The following ANGPT2 variants were observed in gnomAD, a reference collection of about 807,000 sequenced individuals.
ANGPT2 encodes the protein angiopoietin-2.
ANGPT2 carries 28 observed loss-of-function variants against 62.9 expected under a neutral mutation model. The observed-to-expected ratio is 0.44, with a 90% CI of 0.33 to 0.61. The LOEUF (loss-of-function observed/expected upper bound fraction) is 0.61. Ranked by LOEUF, ANGPT2 falls within the 20% of genes least tolerant of loss-of-function variation. The probability of loss-of-function intolerance (pLI) is 0.03; values close to 1 mark genes in which losing one functional copy is unlikely to be tolerated. For synonymous variants in ANGPT2, 284 were observed against 207.8 expected, an observed-to-expected ratio of 1.37 and a Z score of -3.15; for missense variants, 727 against 594.9, an observed-to-expected ratio of 1.22 and a Z score of -2.31.
intron 1 of ANGPT2, among the ~76,000 whole-genome samples, chr8:6,553,776 C>G (rs186288478): frequency 6.6e-6 from 1 of 151,928 alleles, no homozygotes; most frequent in Non-Finnish European, 1.5e-5. Context: ...CCTTTTGGGA[C>G]TTCTTGAGCA....
rs545748519 is a variant in ANGPT2 at position 6,563,101 on chromosome 8, C to A, written c.-167G>T. 6.6e-4 allele frequency: 427 copies of A among 650,626 alleles called. 1 individual carries two copies. Among genetic ancestry groups the A allele is most frequent in the African/African-American group, 6.4e-3 (350 of 54,906 alleles). 40.3% of individuals were successfully genotyped at this position (650,626 alleles called of 1,614,324 possible). On this transcript the variant is annotated 5_prime_UTR_variant, in exon 1 of 9. Transcript: ENST00000629816. ...TTTCCAGTAGCAAACCTGGTTTTTA[C>A]TGCTGTGTTCTCTCCAGGCATGCAG...
At chr8:6,532,230 C>G in intron 2 of ANGPT2, 102 bp downstream of exon 2, 2 of 1,346,190 alleles carry the variant, frequency 1.5e-6, no homozygotes, top group Non-Finnish European at 2.1e-6. Context: ...TGTGGTGGTG[C>G]TTTCTTTAGT....
chr8:6,552,338 A>C (rs988193338), intron 1 of ANGPT2, among the ~76,000 whole-genome samples: 1 of 152,224 alleles, frequency 6.6e-6, no homozygotes, highest in Non-Finnish European at 1.5e-5. Context: ...TGTGTTGCCC[A>C]ATGACAGTAC....
At chr8:6,535,602 T>A (rs1191783964) in intron 1 of ANGPT2, among the ~76,000 whole-genome samples, 1 of 152,168 alleles carries the variant, frequency 6.6e-6, no homozygotes, top group Non-Finnish European at 1.5e-5. Context: ...GTATATAGTG[T>A]CTATAAATAT....
intron 1 of ANGPT2, among the ~76,000 whole-genome samples, chr8:6,550,012 G>A (rs1823340174): frequency 3.3e-5 from 5 of 152,232 alleles, no homozygotes; most frequent in Admixed American, 3.3e-4. Flanking sequence ...TGATCATTCG[G>A]GGACGGGGGA....
chr8:6,543,395 C>A (rs1298126741), intron 1 of ANGPT2, among the ~76,000 whole-genome samples: 1 of 152,188 alleles, frequency 6.6e-6, no homozygotes, highest in Non-Finnish European at 1.5e-5. Context: ...TCTCTCTGTG[C>A]TTTCCTGGGT....
chr8:6,513,727 A>T lies in ANGPT2; in HGVS notation c.1147T>A (p.Tyr383Asn). 1 of 1,613,834 alleles carries T rather than the reference A, an allele frequency of 6.2e-7. No individual in the cohort carries two copies. Among genetic ancestry groups the T allele is most frequent in the Non-Finnish European group, 8.5e-7 (1 of 1,179,822 alleles). ...AGATAGAAATGTTCATACAATGAGT[A>T]AGCCTCATTCCCTTCCCAGTCTTTA... ...HLKDWEGNEA[Y>N]SLYEHFYLSS... The change falls in exon 7 of 9, where the codon TAC (tyrosine) becomes AAC (asparagine). Residue 383 changes from tyrosine (Y) to asparagine (N), a missense_variant. By Grantham distance (143) the Tyr-to-Asn change is moderately radical (BLOSUM62 -2). Coordinates refer to ENST00000629816, the MANE Select transcript of ANGPT2 (RefSeq NM_001118887.2).
chr8:6,506,078 T>C (rs1813672005), intron 8 of ANGPT2, among the ~76,000 whole-genome samples: 1 of 150,666 alleles, frequency 6.6e-6, no homozygotes, highest in Admixed American at 6.7e-5. Context: ...CATTGGTTTG[T>C]TATTTCATCC....
chr8:6,506,978 A>T (rs1432324937), intron 8 of ANGPT2, among the ~76,000 whole-genome samples: 1 of 151,906 alleles, frequency 6.6e-6, no homozygotes, highest in Admixed American at 6.6e-5. Flanking sequence ...GCTCATTGCA[A>T]ACTCTGTCTC....
intron 8 of ANGPT2, 99 bp downstream of exon 8, chr8:6,508,833 A>G (rs747836588): frequency 6.6e-7 from 1 of 1,523,938 alleles, no homozygotes; most frequent in East Asian, 2.2e-5. Context: ...AATTGTGGAC[A>G]TCGTTACAAA....
chr8:6,539,100 C>T (rs532664583), intron 1 of ANGPT2, among the ~76,000 whole-genome samples: 1 of 152,270 alleles, frequency 6.6e-6, no homozygotes, highest in African/African-American at 2.4e-5. Flanking sequence ...AGCAGTACTT[C>T]ATGGCAGAGG....
At chr8:6,546,084 A>G (rs57209429) in intron 1 of ANGPT2, among the ~76,000 whole-genome samples, 9,694 of 152,304 alleles carry the variant, frequency 0.064, 594 homozygotes, top group African/African-American at 0.16. Context: ...TACTGGCTCA[A>G]TACTTTCTAA....
intron 1 of ANGPT2, among the ~76,000 whole-genome samples, chr8:6,557,315 C>T (rs907484846): frequency 6.6e-6 from 1 of 152,040 alleles, no homozygotes; most frequent in Non-Finnish European, 1.5e-5. Flanking sequence ...AGGCTTGCAT[C>T]CACCATACCT....
chr8:6,536,357 A>G (rs1322972358), intron 1 of ANGPT2, among the ~76,000 whole-genome samples: 2 of 152,102 alleles, frequency 1.3e-5, no homozygotes, highest in Non-Finnish European at 2.9e-5. Context: ...GACCCTCAGC[A>G]AAATGTTAGC....
chr8:6,548,953 A>C (rs1027056997), intron 1 of ANGPT2, among the ~76,000 whole-genome samples: 2 of 152,100 alleles, frequency 1.3e-5, no homozygotes, highest in African/African-American at 2.4e-5. Flanking sequence ...ACCTGGGGGG[A>C]ATTATGTTTA....
intron 1 of ANGPT2, among the ~76,000 whole-genome samples, chr8:6,547,356 T>C (rs1293626800): frequency 6.6e-6 from 1 of 152,078 alleles, no homozygotes; most frequent in African/African-American, 2.4e-5. Flanking sequence ...CCCCCTCTCT[T>C]TAACCCTCTT....
At chr8:6,505,709 G>A (rs1262063226) in intron 8 of ANGPT2, among the ~76,000 whole-genome samples, 10 of 80,668 alleles carry the variant, frequency 1.2e-4, no homozygotes, top group East Asian at 5.1e-4. Flanking sequence ...TCTTTATTAC[G>A]TATATATATT....
chr8:6,547,468 G>A (rs537971270), intron 1 of ANGPT2, among the ~76,000 whole-genome samples: 53 of 152,242 alleles, frequency 3.5e-4, no homozygotes, highest in Non-Finnish European at 5.7e-4. Flanking sequence ...CAGAACTGAC[G>A]TTTTCTTCTG....
chr8:6,547,168 C>G (rs189824307), intron 1 of ANGPT2, among the ~76,000 whole-genome samples: 173 of 152,102 alleles, frequency 1.1e-3, no homozygotes, highest in Middle Eastern at 6.8e-3. Flanking sequence ...CCTCACCATC[C>G]TCACTTGCTC....
Sources: allele counts gnomAD v4.1 joint callset (sites outside exome capture counted in the v4.1 genomes callset), GRCh38; gene constraint gnomAD v4.1.1; transcripts MANE v1.5; gene names NCBI Gene and HGNC (gene_info 2026-07-23, HGNC 2026-07-21).